Variants in SETD5 observed in about 807,000 individuals in gnomAD.
The protein encoded by SETD5 is SET domain containing 5.
Under a neutral mutation model 153.3 loss-of-function variants are expected in SETD5, and 44 were observed. The ratio of observed to expected loss-of-function variants is 0.29; its 90% CI spans 0.23 to 0.37. SETD5 has a LOEUF of 0.37. SETD5 is among the 10% of genes least tolerant of loss of function. SETD5 has a pLI of 1.00. For missense variants in SETD5, 1,544 were observed against 1,768.0 expected, an observed-to-expected ratio of 0.87 and a Z score of 2.27; for synonymous variants, 716 against 645.2, an observed-to-expected ratio of 1.11 and a Z score of -1.66.
chr3:9,447,486 T>TA (rs1424533435), intron 14 of SETD5, among the ~76,000 whole-genome samples, 179 bp downstream of exon 14: 1 of 152,212 alleles, frequency 6.6e-6, no homozygotes, highest in Non-Finnish European at 1.5e-5. Flanking sequence ...TTATTAGAAA[T>TA]AACGCAAACA....
At position 9,448,591 on chromosome 3, in the gene SETD5, G is replaced by T. The variant is rs200540210; in HGVS notation, c.2307G>T (p.Arg769Ser). 4.8e-4 allele frequency: 766 copies of T among 1,606,334 alleles called. No homozygotes were observed. Among genetic ancestry groups the T allele is most frequent in the Non-Finnish European group, 6.0e-4 (703 of 1,174,966 alleles). Reference protein sequence around the residue: ...GSPFIPERRRRPLLPDGTFSS... With the variant: ...GSPFIPERRRSPLLPDGTFSS... ...CCTTTATCCCTGAGAGACGTCGAAG[G>T]CCCCTTCTGCCTGATGGCACATTCA... The change falls in exon 16 of 23, where the codon AGG becomes AGT. Residue 769 changes from arginine to serine, a missense_variant. This residue lies in a region of SETD5 where 782 missense variants were observed against 787.2 expected (regional missense o/e 0.99). Transcript: ENST00000402198.
chr3:9,430,765 T>C, intron 3 of SETD5: 1 of 930,568 alleles, frequency 1.1e-6, no homozygotes, highest in Non-Finnish European at 1.3e-6. Context: ...AGTATAGACA[T>C]GACTGCCCGT....
intron 17 of SETD5, among the ~76,000 whole-genome samples, chr3:9,457,351 G>T (rs2125407787): frequency 6.6e-6 from 1 of 152,246 alleles, no homozygotes; most frequent in East Asian, 1.9e-4. Context: ...AGCTGTGCGT[G>T]GTGGTGGGCA....
At chr3:9,435,145 A>C (rs1259750356) in intron 6 of SETD5, among the ~76,000 whole-genome samples, 1 of 150,036 alleles carries the variant, frequency 6.7e-6, no homozygotes, top group Non-Finnish European at 1.5e-5. Flanking sequence ...TGGGAGGCTG[A>C]GGCAGGAGAA....
At chr3:9,465,263 A>G (rs1393497631) in intron 18 of SETD5, among the ~76,000 whole-genome samples, 1 of 152,240 alleles carries the variant, frequency 6.6e-6, no homozygotes, top group African/African-American at 2.4e-5. Context: ...AGCAACATGT[A>G]TTCATGAGAC....
chr3:9,445,556 A>T lies in SETD5; in HGVS notation c.1441-101A>T. 2.8e-6 allele frequency: 3 copies of T among 1,065,414 alleles called. No individual in the cohort carries two copies. The South Asian group carries it at 4.5e-5, about 16-fold the overall frequency. The allele number at this position is 1,065,414 out of a possible 1,614,324, so 66.0% of individuals were successfully genotyped here. ...GGCCTCACATGAGTTAACAGTTTAAAGCACTAGAGATTGTTATAGAGAGTT... is the reference window on the plus strand; with the variant it reads ...GGCCTCACATGAGTTAACAGTTTAATGCACTAGAGATTGTTATAGAGAGTT... On this transcript the variant is annotated intron_variant, in intron 12 of 22. Transcript: ENST00000402198.
At chr3:9,432,997 G>T (rs751809966) in intron 3 of SETD5, among the ~76,000 whole-genome samples, 5 of 152,094 alleles carry the variant, frequency 3.3e-5, no homozygotes, top group African/African-American at 1.2e-4. Context: ...GTAACCTTGG[G>T]GAAGTCATGT....
intron 1 of SETD5, among the ~76,000 whole-genome samples, chr3:9,422,626 G>A (rs746569907): frequency 2.0e-5 from 3 of 152,166 alleles, no homozygotes; most frequent in Non-Finnish European, 4.4e-5. Context: ...AATGGATATT[G>A]TACAGCCTAA....
chr3:9,448,247 A>G, intron 15 of SETD5, 141 bp from the exon 16 acceptor site: 1 of 1,321,544 alleles, frequency 7.6e-7, no homozygotes, highest in South Asian at 1.5e-5. Flanking sequence ...GAAGGAAGAT[A>G]TCCTTGTGTT....
rs373046266 is a variant in SETD5, at chr3:9,475,566, G to T, written c.3804G>T (p.Gln1268His). 3 of 1,613,786 alleles carry T rather than the reference G, an allele frequency of 1.9e-6. No individual in the cohort carries two copies. The East Asian group carries it at 6.7e-5, about 36-fold the overall frequency. The change falls in exon 23 of 23, where the codon CAG becomes CAT. Residue 1268 changes from glutamine (Q) to histidine (H), a missense_variant. Transcript: ENST00000402198. ...SSSPFRGHPT[Q>H]SPGYSYRTTA... ...CCCCCTTCAGAGGACATCCTACACA[G>T]TCTCCAGGATACAGTTATCGAACTA...
chr3:9,441,859 A>G, intron 9 of SETD5, 118 bp downstream of exon 9: 1 of 1,246,310 alleles, frequency 8.0e-7, no homozygotes, highest in Middle Eastern at 2.3e-4. Context: ...CAACTCAGAT[A>G]AGCTCACACC....
chr3:9,451,371 C>T (rs2042610307), intron 16 of SETD5, among the ~76,000 whole-genome samples: 1 of 152,112 alleles, frequency 6.6e-6, no homozygotes, highest in Non-Finnish European at 1.5e-5. Context: ...TTTATATATC[C>T]AGAAGCTTTG....
chr3:9,414,703 A>G (rs1198895359), intron 1 of SETD5, among the ~76,000 whole-genome samples: 1 of 152,160 alleles, frequency 6.6e-6, no homozygotes, highest in Non-Finnish European at 1.5e-5. Context: ...CAGATGGAAA[A>G]TTTTTAAACT....
In SETD5 at chr3:9,457,878, G is replaced by T. The variant is rs2043456041; in HGVS notation, c.2476+4010G>T. On this transcript the variant is annotated intron_variant, in intron 17 of 22. Transcript: ENST00000402198. ...TATATAGTTCCCATGAAACTGCCTTGTTTTTGGAATTTGATTAAATGATTC... is the reference window on the plus strand; with the variant it reads ...TATATAGTTCCCATGAAACTGCCTTTTTTTTGGAATTTGATTAAATGATTC... Among the ~76,000 whole-genome samples, 3 of 149,646 alleles carry T rather than the reference G, an allele frequency of 2.0e-5. No individual in the cohort carries two copies. The Admixed American group carries it at 2.0e-4, about 10-fold the overall frequency.
intron 17 of SETD5, among the ~76,000 whole-genome samples, chr3:9,463,212 A>G (rs1265860814): frequency 6.6e-6 from 1 of 152,122 alleles, no homozygotes; most frequent in Non-Finnish European, 1.5e-5. Flanking sequence ...TAGTAGAGAC[A>G]GGGTTTTGCC....
intron 1 of SETD5, among the ~76,000 whole-genome samples, chr3:9,407,006 A>G (rs2035804370): frequency 6.6e-6 from 1 of 152,236 alleles, no homozygotes; most frequent in Non-Finnish European, 1.5e-5. Flanking sequence ...TATGAAAATT[A>G]TGCTAACATC....
At chr3:9,475,300 G>T in intron 22 of SETD5, 144 bp downstream of exon 22, 1 of 1,131,326 alleles carries the variant, frequency 8.8e-7, no homozygotes, top group Non-Finnish European at 1.2e-6. Flanking sequence ...TTGTCCTCAG[G>T]TAATAAATTA....
intron 19 of SETD5, 92 bp downstream of exon 19, chr3:9,471,021 C>G: frequency 1.5e-6 from 1 of 674,530 alleles, no homozygotes; most frequent in Non-Finnish European, 2.5e-6. Context: ...GTGTTCCGCA[C>G]TACTCTCAGA....
intron 1 of SETD5, among the ~76,000 whole-genome samples, chr3:9,420,044 A>G (rs1405102528): frequency 2.6e-5 from 4 of 152,344 alleles, no homozygotes; most frequent in Admixed American, 2.6e-4. Flanking sequence ...AGGTTTAGTC[A>G]GTCTAAATTA....
Sources: gnomAD v4.1 joint callset for allele counts (sites outside exome capture counted in the v4.1 genomes callset) on GRCh38, gnomAD v4.1.1 for gene constraint, gnomAD v4.1.1 regional missense constraint, MANE v1.5 for transcripts, NCBI Gene and HGNC (gene_info 2026-07-23, HGNC 2026-07-21) for gene names.